Variants in PPP4R4 observed in about 807,000 individuals in gnomAD.
PPP4R4 encodes the protein protein phosphatase 4 regulatory subunit 4.
In PPP4R4, 70 loss-of-function variants were observed where a neutral mutation model predicts 121.8. The observed-to-expected ratio is 0.57, with a 90% CI of 0.47 to 0.70. PPP4R4 has a LOEUF of 0.70. Among genes scored for constraint, PPP4R4 ranks in the 30% least tolerant of loss-of-function variants. The pLI is 0.00. For missense variants in PPP4R4, 875 were observed against 1,033.6 expected, an observed-to-expected ratio of 0.85 and a Z score of 2.10; for synonymous variants, 348 against 355.7, an observed-to-expected ratio of 0.98 and a Z score of 0.24.
At chr14:94,176,898 C>A (rs187487159) in intron 2 of PPP4R4, among the ~76,000 whole-genome samples, 187 of 152,166 alleles carry the variant, frequency 1.2e-3, no homozygotes, top group African/African-American at 4.3e-3. Flanking sequence ...GCAAATTAGT[C>A]ACTCTTTTTT....
At chr14:94,232,291 C>A (rs1166377206) in intron 5 of PPP4R4, among the ~76,000 whole-genome samples, 3 of 151,998 alleles carry the variant, frequency 2.0e-5, no homozygotes, top group Non-Finnish European at 4.4e-5. Context: ...AGTCATCAGC[C>A]AATGAAATGT....
Position 94,278,826 on chromosome 14 carries a change from G to A in PPP4R4, c.*183G>A. 2.4e-6 allele frequency: 1 copy of A among 424,146 alleles called. No homozygotes were observed. The highest frequency in any genetic ancestry group is 5.9e-5 in the South Asian group (1 of 16,846). The allele number at this position is 424,146 out of a possible 1,614,324, so 26.3% of individuals were successfully genotyped here. A position where few individuals can be genotyped will look rare whatever the true frequency, so the allele number is the denominator to read the frequency against. On this transcript the variant is annotated 3_prime_UTR_variant, in exon 25 of 25. Transcript: ENST00000304338. ...GTTAAACTTTTCATATTTCAAATTA[G>A]ATTCCCTAGGAGGTATAATATATAT... is the stretch of plus-strand genomic sequence containing the variant.
At chr14:94,200,142 C>A (rs964685669) in intron 2 of PPP4R4, among the ~76,000 whole-genome samples, 4 of 151,910 alleles carry the variant, frequency 2.6e-5, no homozygotes, top group African/African-American at 7.3e-5. Flanking sequence ...ATTTATATTT[C>A]TTTTCTATTA....
intron 20 of PPP4R4, 139 bp downstream of exon 20, chr14:94,265,086 A>G: frequency 1.3e-6 from 1 of 792,718 alleles, no homozygotes; most frequent in South Asian, 1.9e-5. Context: ...GTCGTTTTTG[A>G]AAATTGGCCA....
intron 23 of PPP4R4, among the ~76,000 whole-genome samples, chr14:94,270,047 G>A (rs1382068813): frequency 6.6e-6 from 1 of 151,980 alleles, no homozygotes; most frequent in Non-Finnish European, 1.5e-5. Flanking sequence ...ATTGGATGAG[G>A]GGAATATATG....
intron 24 of PPP4R4, among the ~76,000 whole-genome samples, chr14:94,278,062 A>T (rs1021214766): frequency 6.6e-6 from 1 of 152,180 alleles, no homozygotes; most frequent in Non-Finnish European, 1.5e-5. Context: ...AGTATCCACA[A>T]TTCAAAACAG....
intron 3 of PPP4R4, chr14:94,227,327 C>G (rs771765914): frequency 2.5e-6 from 4 of 1,612,646 alleles, no homozygotes; most frequent in Non-Finnish European, 3.4e-6. Context: ...GAGTATGGAT[C>G]TCACATATGT....
At position 94,246,256 on chromosome 14, in the gene PPP4R4, GAGA is replaced by G. The variant is rs1463630408; in HGVS notation, c.1429-98_1429-96del. The G allele has an allele frequency of 2.8e-5, 27 of 965,374 alleles. No individual in the cohort carries two copies. In the East Asian group the frequency reaches 3.2e-4, roughly 12 times the overall value. The allele number at this position is 965,374 out of a possible 1,614,324, so 59.8% of individuals were successfully genotyped here. On this transcript the variant is annotated intron_variant, in intron 13 of 24. Coordinates refer to ENST00000304338, the MANE Select transcript of PPP4R4 (RefSeq NM_058237.2). ...TAAGATGTCTCCTAAACTCTGAAAT[GAGA>G]AGGAGTATTCTCTTCCCCAATGTGT...
At chr14:94,233,355 T>G (rs993410908) in intron 5 of PPP4R4, among the ~76,000 whole-genome samples, 1 of 152,254 alleles carries the variant, frequency 6.6e-6, no homozygotes, top group African/African-American at 2.4e-5. Flanking sequence ...TCTTTTCTTT[T>G]TAAAATATGT....
chr14:94,211,844 G>A (rs994741901), intron 3 of PPP4R4, among the ~76,000 whole-genome samples: 5 of 152,120 alleles, frequency 3.3e-5, no homozygotes, highest in African/African-American at 1.2e-4. Flanking sequence ...TAACAGATTG[G>A]GTTTGTGAAG....
chr14:94,256,633 A>G (rs371096101), intron 17 of PPP4R4, 29 bp downstream of exon 17: 7 of 1,546,436 alleles, frequency 4.5e-6, no homozygotes, highest in Non-Finnish European at 6.2e-6. Context: ...ACAATGTTGC[A>G]TTTTTTGCAT....
At chr14:94,222,956 T>G (rs998457613) in intron 3 of PPP4R4, among the ~76,000 whole-genome samples, 1 of 152,170 alleles carries the variant, frequency 6.6e-6, no homozygotes, top group Non-Finnish European at 1.5e-5. Flanking sequence ...TGTTTGTGAT[T>G]CATTGGTGTT....
intron 19 of PPP4R4, among the ~76,000 whole-genome samples, chr14:94,262,138 GTTTTATAGAA>G (rs1360597672): frequency 1.3e-5 from 2 of 151,892 alleles, no homozygotes; most frequent in Non-Finnish European, 2.9e-5. Flanking sequence ...TGCCTTAAGA[GTTTTATAGAA>G]TTCACTAGTG....
intron 3 of PPP4R4, among the ~76,000 whole-genome samples, chr14:94,220,607 T>C (rs1891334094): frequency 6.6e-6 from 1 of 152,002 alleles, no homozygotes; most frequent in South Asian, 2.1e-4. Flanking sequence ...CAACCAACAA[T>C]TGGAAACTGA....
chr14:94,191,349 C>T (rs1257637399), intron 2 of PPP4R4, among the ~76,000 whole-genome samples: 2 of 45,728 alleles, frequency 4.4e-5, no homozygotes, highest in African/African-American at 8.0e-5. Context: ...AAATTTTGAG[C>T]CTTTATTTTT....
Position 94,253,219 on chromosome 14 carries a change from G to C in PPP4R4, c.1865+1323G>C, listed in dbSNP as rs562161712. Among the ~76,000 whole-genome samples, 17 of 152,308 alleles carry C rather than the reference G, an allele frequency of 1.1e-4. No individual in the cohort carries two copies. In the South Asian group the frequency reaches 2.9e-3, roughly 26 times the overall value. The stretch of plus-strand genomic sequence containing the variant: ...ATGCCTGTAAATCCCAGCACTTTGG[G>C]AGGCCGAGGCAGACAGGATCACTTG... On this transcript the variant is annotated intron_variant, in intron 16 of 24. Coordinates refer to ENST00000304338, the MANE Select transcript of PPP4R4 (RefSeq NM_058237.2).
intron 3 of PPP4R4, among the ~76,000 whole-genome samples, chr14:94,213,959 C>T (rs1171954500): frequency 6.6e-6 from 1 of 152,188 alleles, no homozygotes; most frequent in African/African-American, 2.4e-5. Flanking sequence ...CTACCGTGTC[C>T]TTAAATCACC....
intron 19 of PPP4R4, among the ~76,000 whole-genome samples, chr14:94,264,647 C>T (rs796988308): frequency 6.6e-5 from 10 of 152,222 alleles, no homozygotes; most frequent in African/African-American, 1.4e-4. Flanking sequence ...TACAATGATA[C>T]CAAACTCATT....
At chr14:94,240,961 A>G (rs1892600513) in intron 9 of PPP4R4, among the ~76,000 whole-genome samples, 166 bp downstream of exon 9, 1 of 152,158 alleles carries the variant, frequency 6.6e-6, no homozygotes, top group African/African-American at 2.4e-5. Context: ...GAGCACATTT[A>G]GGAATGACTT....
Sources: allele counts gnomAD v4.1 joint callset (sites outside exome capture counted in the v4.1 genomes callset), GRCh38; gene constraint gnomAD v4.1.1; transcripts MANE v1.5; gene names NCBI Gene and HGNC (gene_info 2026-07-23, HGNC 2026-07-21).